COL7A1: variants seen among roughly 807,000 people sequenced by gnomAD.
COL7A1 encodes collagen type VII alpha 1 chain, also known as collagen alpha-1(VII) chain.
A neutral mutation model predicts 456.2 loss-of-function variants in COL7A1; 296 were observed. The observed-to-expected ratio is 0.65, with a 90% CI of 0.59 to 0.71. The LOEUF is 0.71. Ranked by LOEUF, COL7A1 falls within the 30% of genes least tolerant of loss-of-function variation. COL7A1 has a pLI of 0.00. For missense variants in COL7A1, 3,441 were observed against 4,017.2 expected (o/e 0.86, Z 3.88); for synonymous variants, 1,464 against 1,525.9 (o/e 0.96, Z 0.95).
chr3:48,576,205 G>C, intron 71 of COL7A1, 44 bp downstream of exon 71: 1 of 1,612,122 alleles, frequency 6.2e-7, no homozygotes, highest in East Asian at 2.2e-5. Context: ...GGCCCCAATG[G>C]GCATGCAAAA....
Position 48,593,037 on chromosome 3 carries a change from C to T in COL7A1, c.682+65G>A, listed in dbSNP as rs2045822797. On this transcript the variant is annotated intron_variant, in intron 6 of 118. Coordinates refer to ENST00000681320, the MANE Select transcript of COL7A1 (RefSeq NM_000094.4). This position sits in a 1 kb window ranked among gnomAD's most constrained non-coding sequence, Gnocchi z 4.4. ...TCAGGAGCACATAGGATGGAATCAG[C>T]ACTGCCAAGTGGGGATTGGGGTCCG... The T allele has an allele frequency of 6.2e-7, 1 of 1,613,226 alleles. No individual in the cohort carries two copies. The highest frequency in any genetic ancestry group is 1.3e-5 in the African/African-American group (1 of 75,018).
Position 48,564,512 on chromosome 3 carries a change from G to A in COL7A1, c.8819-90C>T, listed in dbSNP as rs2043518821. ...GGCACCGCCAAGGGGAGGGAGCGGA[G>A]GCTACAACAGGAAGTGGGGGCTCTG... On this transcript the variant is annotated intron_variant, in intron 118 of 118. Transcript: ENST00000681320. The surrounding 1 kb of genome is among the most constrained non-coding windows in gnomAD (Gnocchi z 6.0). The A allele has an allele frequency of 1.3e-6, 2 of 1,502,608 alleles. No homozygotes were observed. The highest frequency in any genetic ancestry group is 2.3e-5 in the East Asian group (1 of 43,050). The allele number at this position is 1,502,608 out of a possible 1,614,324, so 93.1% of individuals were successfully genotyped here.
Position 48,591,824 on chromosome 3 carries a change from T to C in COL7A1, c.1358-2A>G, listed in dbSNP as rs1432916221. The C allele has an allele frequency of 1.9e-6, 3 of 1,614,062 alleles. No individual in the cohort carries two copies. Among genetic ancestry groups the C allele is most frequent in the African/African-American group, 1.3e-5 (1 of 74,920 alleles). On this transcript the variant is annotated splice_acceptor_variant, in intron 11 of 118. Transcript: ENST00000681320. LOFTEE classifies it high-confidence loss of function. The surrounding 1 kb of genome is among the most constrained non-coding windows in gnomAD (Gnocchi z 7.0). ...CCACCTTCTGCGGTGGCTCCAAGCC[T>C]GCAAGATAACAGGGTCAGACCAGCA...
In COL7A1 at chr3:48,572,549, T is replaced by C. The variant is rs1028123187; in HGVS notation, c.6901-11A>G. ...GAGCCCGACCACAGCCTGTGGGGAA[T>C]GCTAGTGAGTTTCCTCCTCCTCCCC... On this transcript the variant is annotated splice_polypyrimidine_tract_variant and intron_variant, in intron 88 of 118. Transcript: ENST00000681320. This position sits in a 1 kb window ranked among gnomAD's most constrained non-coding sequence, Gnocchi z 4.6. 1.2e-5 allele frequency: 19 copies of C among 1,613,304 alleles called. No individual in the cohort carries two copies. The highest frequency in any genetic ancestry group is 8.9e-5 in the East Asian group (4 of 44,780).
Position 48,570,942 on chromosome 3 carries a change from G to T in COL7A1, c.7191C>A (p.Pro2397=), listed in dbSNP as rs34360255. ...GGAACCCAACAACACCAGGAGCACC[G>T]GGCAGGCCAGGGAGGCCCAGATCTC... ...VKGDLGLPGL[P]GAPGVVGFPG... The change falls in exon 95 of 119, where the codon CCC becomes CCA. Residue 2397 remains proline (P), a synonymous_variant. Transcript: ENST00000681320. This position sits in a 1 kb window ranked among gnomAD's most constrained non-coding sequence, Gnocchi z 5.5. 2.2e-3 allele frequency: 3,476 copies of T among 1,613,558 alleles called. 6 individuals carry two copies. The highest frequency in any genetic ancestry group is 3.0e-3 in the Middle Eastern group (18 of 6,060).
In COL7A1 at chr3:48,584,386, A is replaced by G. The variant is rs370085598; in HGVS notation, c.4120-11T>C. 29 of 1,613,510 alleles carry G rather than the reference A, an allele frequency of 1.8e-5. No individual in the cohort carries two copies. Among genetic ancestry groups the G allele is most frequent in the Non-Finnish European group, 4.2e-6 (5 of 1,179,790 alleles). On this transcript the variant is annotated splice_polypyrimidine_tract_variant and intron_variant, in intron 36 of 118. Coordinates refer to ENST00000681320, the MANE Select transcript of COL7A1 (RefSeq NM_000094.4). Reference sequence around the variant, plus strand: ...AGGTCCAGGGGGGCCCTGATGGAGGAGACAAAGTATAAGGTGCAACCCCAC... The same window carrying G: ...AGGTCCAGGGGGGCCCTGATGGAGGGGACAAAGTATAAGGTGCAACCCCAC...
At position 48,565,020 on chromosome 3, in the gene COL7A1, C is replaced by CA. The variant is rs756027476; in HGVS notation, c.8621-41dup. On this transcript the variant is annotated intron_variant, in intron 117 of 118. Transcript: ENST00000681320. This position sits in a 1 kb window ranked among gnomAD's most constrained non-coding sequence, Gnocchi z 4.5. ...TCAAGTCAGCAGGGTTTGTGGGAAT[C>CA]AGAGAGGGTTGAAAGGTCAGGGGGA... The CA allele has an allele frequency of 2.5e-6, 4 of 1,613,598 alleles. No individual in the cohort carries two copies. Among genetic ancestry groups the CA allele is most frequent in the Non-Finnish European group, 3.4e-6 (4 of 1,179,750 alleles).
At position 48,567,754 on chromosome 3, in the gene COL7A1, C is replaced by T. The variant is rs749788045; in HGVS notation, c.7939G>A (p.Gly2647Ser). 3.7e-6 allele frequency: 6 copies of T among 1,614,180 alleles called. No individual in the cohort carries two copies. The Admixed American group carries it at 1.0e-4, about 27-fold the overall frequency. The stretch of plus-strand genomic sequence containing the variant: ...GCCAGCCCGGGGCGGCCTGGGGGAC[C>T]AGCTTCTCCCTGCAGGCATCAGGCA... ...DGEKGDKGEA[G>S]PPGRPGLAGH... The change falls in exon 108 of 119, where the codon GGT (glycine) becomes AGT (serine). Residue 2647 changes from glycine to serine, a missense_variant. By Grantham distance (56) the Gly-to-Ser change is moderately conservative. Transcript: ENST00000681320. This position sits in a 1 kb window ranked among gnomAD's most constrained non-coding sequence, Gnocchi z 4.3.
At position 48,568,136 on chromosome 3, in the gene COL7A1, C is replaced by A. The variant is rs372102117; in HGVS notation, c.7829G>T (p.Arg2610Leu). ...SPGKDGVPGI[R>L]GEKGDVGFMG... ...GAAGCCAACATCTCCTTTTTCTCCT[C>A]GGATACCAGGCACTCCATCCTTTCC... Residue 2610 changes from arginine to leucine, a missense_variant, in exon 106 of 119, where the codon CGA (arginine) becomes CTA (leucine). Physicochemically the swap from Arg to Leu is moderately radical, Grantham distance 102. Around this residue, in one of 3 missense-constraint regions of COL7A1, gnomAD observed 2,084 missense variants for 2,501.3 expected, o/e 0.83. Transcript: ENST00000681320. The surrounding 1 kb of genome is among the most constrained non-coding windows in gnomAD (Gnocchi z 5.2). 1 of 1,613,956 alleles carries A rather than the reference C, an allele frequency of 6.2e-7. No homozygotes were observed. Among genetic ancestry groups the A allele is most frequent in the Non-Finnish European group, 8.5e-7 (1 of 1,180,038 alleles).
rs1220241020 is a variant in COL7A1 at position 48,592,507 on chromosome 3, T to C, written c.977-40A>G. On this transcript the variant is annotated intron_variant, in intron 8 of 118. Coordinates refer to ENST00000681320, the MANE Select transcript of COL7A1 (RefSeq NM_000094.4). This position sits in a 1 kb window ranked among gnomAD's most constrained non-coding sequence, Gnocchi z 7.6. The stretch of plus-strand genomic sequence containing the variant: ...CACCAGGGATTCATGGAGTCAGAAG[T>C]GGGAGGGGGTACTGGGGTCGGGGGT... The C allele has an allele frequency of 3.7e-6, 6 of 1,609,026 alleles. No individual in the cohort carries two copies. The highest frequency in any genetic ancestry group is 4.2e-6 in the Non-Finnish European group (5 of 1,178,670).
rs1467671822 is a variant in COL7A1, at chr3:48,573,953, T to C, written c.6502-63A>G. Reference sequence around the variant, plus strand: ...CTCACTTGGGCCTGTTCCCAACCTCTGGGGGCTTTTTCCTTGGGGGTCAAT... The same window carrying C: ...CTCACTTGGGCCTGTTCCCAACCTCCGGGGGCTTTTTCCTTGGGGGTCAAT... On this transcript the variant is annotated intron_variant, in intron 80 of 118. Coordinates refer to ENST00000681320, the MANE Select transcript of COL7A1 (RefSeq NM_000094.4). The surrounding 1 kb of genome is among the most constrained non-coding windows in gnomAD (Gnocchi z 5.5). The C allele has an allele frequency of 2.5e-6, 4 of 1,597,898 alleles. No homozygotes were observed. Among genetic ancestry groups the C allele is most frequent in the Non-Finnish European group, 3.4e-6 (4 of 1,171,682 alleles).
chr3:48,592,487 G>C lies in COL7A1; in HGVS notation c.977-20C>G. On this transcript the variant is annotated intron_variant, in intron 8 of 118. Transcript: ENST00000681320. The surrounding 1 kb of genome is among the most constrained non-coding windows in gnomAD (Gnocchi z 7.6). ...GGGCAGCTGGGGGAGAGTCCCACCA[G>C]GGATTCATGGAGTCAGAAGTGGGAG... The C allele has an allele frequency of 6.2e-7, 1 of 1,613,384 alleles. No individual in the cohort carries two copies.
Position 48,579,340 on chromosome 3 carries a change from T to C in COL7A1, c.5307+29A>G, listed in dbSNP as rs74892543. The C allele has an allele frequency of 3.0e-3, 4,829 of 1,614,138 alleles. 119 individuals are homozygous for C. In the African/African-American group the frequency reaches 0.053, roughly 18 times the overall value. Reference sequence around the variant, plus strand: ...AGGTGGATCTGATAACCCAGGCTCATGTCCTGAGAAACCCCCACACCCTCT... The same window carrying C: ...AGGTGGATCTGATAACCCAGGCTCACGTCCTGAGAAACCCCCACACCCTCT... On this transcript the variant is annotated intron_variant, in intron 61 of 118. Transcript: ENST00000681320. The surrounding 1 kb of genome is among the most constrained non-coding windows in gnomAD (Gnocchi z 4.4).
In COL7A1 at chr3:48,588,775, C is replaced by T. The variant is rs2107767489; in HGVS notation, c.2454G>A (p.Arg818=). ...CTGTGTTTCCTGGGAGTATCTGGTG[C>T]CTCATGGGGCCGCCTGGCCAGGTGG... is the stretch of plus-strand genomic sequence containing the variant. ...AWGRSEGGPM[R]HQILPGNTDS... The change falls in exon 20 of 119, where the codon AGG becomes AGA. Residue 818 remains arginine (R), a synonymous_variant. Coordinates refer to ENST00000681320, the MANE Select transcript of COL7A1 (RefSeq NM_000094.4). This position sits in a 1 kb window ranked among gnomAD's most constrained non-coding sequence, Gnocchi z 4.6. 6.2e-7 allele frequency: 1 copy of T among 1,613,912 alleles called. No homozygotes were observed. The highest frequency in any genetic ancestry group is 8.5e-7 in the Non-Finnish European group (1 of 1,180,046).
chr3:48,591,884 T>TC lies in COL7A1; in HGVS notation c.1357+13dup, dbSNP rs777387484. ...CCCTGACCCTTGCCTGTCCATCCCT[T>TC]CCCCCGCACTGACCAGTCTCACGCC... On this transcript the variant is annotated intron_variant, in intron 11 of 118. Transcript: ENST00000681320. This position sits in a 1 kb window ranked among gnomAD's most constrained non-coding sequence, Gnocchi z 7.0. 3 of 1,613,678 alleles carry TC rather than the reference T, an allele frequency of 1.9e-6. No individual in the cohort carries two copies.
At position 48,583,301 on chromosome 3, in the gene COL7A1, A is replaced by C; in HGVS notation, c.4437+92T>G. The C allele has an allele frequency of 6.2e-7, 1 of 1,607,052 alleles. No individual in the cohort carries two copies. Among genetic ancestry groups the C allele is most frequent in the Non-Finnish European group, 8.5e-7 (1 of 1,174,458 alleles). On this transcript the variant is annotated intron_variant, in intron 42 of 118. Transcript: ENST00000681320. This position sits in a 1 kb window ranked among gnomAD's most constrained non-coding sequence, Gnocchi z 5.1. The stretch of plus-strand genomic sequence containing the variant: ...AAACCACGACCTCTGACCTGGAGGG[A>C]ACTCTTATCTCCTTATCTTCCAGCC...
Position 48,574,857 on chromosome 3 carries a change from C to A in COL7A1, c.6288G>T (p.Val2096=). The change falls in exon 77 of 119, where the codon GTG becomes GTT. Residue 2096 remains valine (V), a synonymous_variant. Coordinates refer to ENST00000681320, the MANE Select transcript of COL7A1 (RefSeq NM_000094.4). This position sits in a 1 kb window ranked among gnomAD's most constrained non-coding sequence, Gnocchi z 5.0. The part of the protein sequence containing the change: ...PPGPPGPKVS[V]DEPGPGLSGE... ...CAGAGAGTCCAGGACCTGGCTCATC[C>A]ACAGACACCTACAAACACAAGGTCA... 1 of 1,613,860 alleles carries A rather than the reference C, an allele frequency of 6.2e-7. No individual in the cohort carries two copies. Among genetic ancestry groups the A allele is most frequent in the Non-Finnish European group, 8.5e-7 (1 of 1,179,968 alleles).
rs912271318 is a variant in COL7A1 at position 48,568,011 on chromosome 3, A to G, written c.7875+79T>C. Reference sequence around the variant, plus strand: ...ACTCCAACCTCTGACCCAGTGCCCTAATATCTGACCCCAGGTCCCTCGCCC... The same window carrying G: ...ACTCCAACCTCTGACCCAGTGCCCTGATATCTGACCCCAGGTCCCTCGCCC... On this transcript the variant is annotated intron_variant, in intron 106 of 118. Transcript: ENST00000681320. The surrounding 1 kb of genome is among the most constrained non-coding windows in gnomAD (Gnocchi z 5.2). 8 of 1,602,090 alleles carry G rather than the reference A, an allele frequency of 5.0e-6. No individual in the cohort carries two copies. The East Asian group carries it at 1.8e-4, about 36-fold the overall frequency.
Position 48,592,616 on chromosome 3 carries a change from G to C in COL7A1, c.930C>G (p.Leu310=), listed in dbSNP as rs540385273. The change falls in exon 8 of 119, where the codon CTC becomes CTG. Residue 310 remains leucine, a synonymous_variant. Coordinates refer to ENST00000681320, the MANE Select transcript of COL7A1 (RefSeq NM_000094.4). This position sits in a 1 kb window ranked among gnomAD's most constrained non-coding sequence, Gnocchi z 7.6. Reference sequence around the variant, plus strand: ...CAGCCTCCCCGATGCTGTTGGCGTAGAGGGCAATCACAGTCACTTGGTACT... The same window carrying C: ...CAGCCTCCCCGATGCTGTTGGCGTACAGGGCAATCACAGTCACTTGGTACT... ...LTEYQVTVIA[L]YANSIGEAVS... is the part of the protein sequence containing the mutation. 1.2e-6 allele frequency: 2 copies of C among 1,614,062 alleles called. No individual in the cohort carries two copies. The highest frequency in any genetic ancestry group is 1.7e-6 in the Non-Finnish European group (2 of 1,180,038).
Sources: gnomAD v4.1 joint callset for allele counts on GRCh38, gnomAD v4.1.1 for gene constraint, gnomAD v4.1.1 regional missense constraint, Gnocchi (gnomAD v3.1) non-coding constraint, MANE v1.5 for transcripts, NCBI Gene and HGNC (gene_info 2026-07-23, HGNC 2026-07-21) for gene names.